C3orf22: variants seen among roughly 807,000 people sequenced by gnomAD.
C3orf22 encodes chromosome 3 open reading frame 22.
C3orf22 carries 7 observed loss-of-function variants against 10.8 expected under a neutral mutation model. The ratio of observed to expected loss-of-function variants is 0.65; its 90% CI spans 0.37 to 1.22. The LOEUF is 1.22. C3orf22 is among the 50% of genes most tolerant of loss of function. C3orf22 has a pLI of 0.02. For missense variants in C3orf22, 173 were observed against 177.0 expected, an observed-to-expected ratio of 0.98 and a Z score of 0.13; for synonymous variants, 79 against 78.9, an observed-to-expected ratio of 1.00 and a Z score of 0.00.
chr3:126,549,414 C>T (rs988374356), downstream of C3orf22: 3 of 396,680 alleles, frequency 7.6e-6, no homozygotes, highest in Non-Finnish European at 1.5e-5. Flanking sequence ...TGAATGGCTG[C>T]CTAAGATTTC....
Position 126,553,346 on chromosome 3 carries a change from C to T in C3orf22, c.45G>A (p.Trp15Ter). 2 of 1,614,164 alleles carry T rather than the reference C, an allele frequency of 1.2e-6. No homozygotes were observed. Among genetic ancestry groups the T allele is most frequent in the Non-Finnish European group, 1.7e-6 (2 of 1,180,024 alleles). The change falls in exon 2 of 4, where the codon TGG becomes TGA. Residue 15 changes from tryptophan (W) to a stop codon, truncating the protein, a stop_gained. Transcript: ENST00000318225. LOFTEE classifies it high-confidence loss of function. ...CAAAATTCTCCTGGGCCTGGATCCT[C>T]CACTTCTTACTCTGGTGAGACTTCT... Reference protein sequence around the residue: ...ACKKSHQSKKWRIQAQENFAK... With the variant: ...ACKKSHQSKK
intron 4 of C3orf22, among the ~76,000 whole-genome samples, chr3:126,538,205 C>A (rs58866773): frequency 0.032 from 4,872 of 152,362 alleles, 249 homozygotes; most frequent in African/African-American, 0.11. Flanking sequence ...CTGAGCTGCT[C>A]GGAGACTGGC....
chr3:126,552,729 G>T (rs543269325), intron 2 of C3orf22, among the ~76,000 whole-genome samples: 54 of 152,342 alleles, frequency 3.5e-4, no homozygotes, highest in African/African-American at 1.2e-3. Flanking sequence ...TGAGCATGGA[G>T]TGGGAAGCTT....
chr3:126,557,707 T>A (rs960425145), intron 1 of C3orf22, among the ~76,000 whole-genome samples: 2 of 152,222 alleles, frequency 1.3e-5, no homozygotes, highest in Non-Finnish European at 2.9e-5. Flanking sequence ...CTCTGGAAGA[T>A]CAGCCATCCA....
chr3:126,541,341 TG>T (rs1053835670), intron 4 of C3orf22, among the ~76,000 whole-genome samples: 2 of 152,170 alleles, frequency 1.3e-5, no homozygotes, highest in African/African-American at 4.8e-5. Flanking sequence ...AGTTTTCAAT[TG>T]GGTGTGGAAT....
chr3:126,551,245 G>A, intron 3 of C3orf22, among the ~76,000 whole-genome samples: 1 of 144,036 alleles, frequency 6.9e-6, no homozygotes, highest in African/African-American at 2.6e-5. Flanking sequence ...AGTCAACACA[G>A]ACCCCCCCCT....
intron 1 of C3orf22, among the ~76,000 whole-genome samples, chr3:126,557,259 A>G (rs1217571229): frequency 2.6e-5 from 4 of 152,218 alleles, no homozygotes. Context: ...TCCTTGGTCC[A>G]AGGCAGAGGC....
chr3:126,530,377 C>A (rs744232), intron 4 of C3orf22, among the ~76,000 whole-genome samples: 1 of 152,224 alleles, frequency 6.6e-6, no homozygotes, highest in African/African-American at 2.4e-5. Flanking sequence ...CAAGGGCTGG[C>A]GTTTCCGGAA....
intron 4 of C3orf22, chr3:126,542,211 G>A: frequency 1.4e-6 from 2 of 1,458,016 alleles, no homozygotes; most frequent in Middle Eastern, 1.8e-4. Flanking sequence ...CGGGCCCGCG[G>A]CCACGACGTG....
chr3:126,546,282 C>T (rs1937066627), downstream of C3orf22, among the ~76,000 whole-genome samples: 1 of 152,218 alleles, frequency 6.6e-6, no homozygotes, highest in African/African-American at 2.4e-5. Context: ...GCGATAAATG[C>T]TCCAGCTTTT....
At chr3:126,542,123 C>T in intron 4 of C3orf22, 1 of 1,571,188 alleles carries the variant, frequency 6.4e-7, no homozygotes, top group Non-Finnish European at 8.6e-7. Context: ...GCTCGCGCGC[C>T]CCTACAGCGC....
rs748508077 is a variant in C3orf22, at chr3:126,541,916, C to A, written c.286+7621G>T. 1.8e-5 allele frequency: 28 copies of A among 1,599,004 alleles called. No individual in the cohort carries two copies. In the East Asian group the frequency reaches 5.9e-4, roughly 34 times the overall value. On this transcript the variant is annotated intron_variant and NMD_transcript_variant, in intron 4 of 5. Transcript: ENST00000505070. The stretch of plus-strand genomic sequence containing the variant: ...CAAGGTGGCCTGCACCAACTGGAAG[C>A]GCGTGCTGCTGGCGCTGAGCGGCCA...
At chr3:126,549,658 C>T, downstream of C3orf22, 1 of 1,518,314 alleles carries the variant, frequency 6.6e-7, no homozygotes. Flanking sequence ...AAAATGAAGG[C>T]TCAGGGAGGC....
intron 4 of C3orf22, chr3:126,536,407 C>A (rs1936792274): frequency 7.1e-7 from 1 of 1,415,776 alleles, no homozygotes; most frequent in Non-Finnish European, 1.0e-6. Context: ...CAGCCAGGAG[C>A]CTGACAGCAA....
intron 4 of C3orf22, among the ~76,000 whole-genome samples, chr3:126,534,477 ACAG>A (rs1048031024): frequency 6.6e-6 from 1 of 151,298 alleles, no homozygotes; most frequent in Non-Finnish European, 1.5e-5. Context: ...AGACAGACAG[ACAG>A]CATCCTTGTC....
chr3:126,535,427 G>C (rs1343574406), intron 4 of C3orf22, among the ~76,000 whole-genome samples: 5 of 150,790 alleles, frequency 3.3e-5, no homozygotes, highest in Admixed American at 1.3e-4. Context: ...CCGGGAGACA[G>C]ACAGACAGCA....
chr3:126,531,096 T>G (rs1936649599), intron 4 of C3orf22, among the ~76,000 whole-genome samples: 1 of 152,280 alleles, frequency 6.6e-6, no homozygotes, highest in Non-Finnish European at 1.5e-5. Context: ...ACAGACCATA[T>G]TCTGCCTGCC....
chr3:126,551,443 A>T (rs1273634146), intron 3 of C3orf22, among the ~76,000 whole-genome samples: 4 of 152,126 alleles, frequency 2.6e-5, no homozygotes, highest in African/African-American at 9.7e-5. Flanking sequence ...TCTGTTTAGG[A>T]GGAAGTAGGT....
intron 1 of C3orf22, among the ~76,000 whole-genome samples, chr3:126,554,414 C>A (rs965366052): frequency 1.3e-5 from 2 of 152,160 alleles, no homozygotes; most frequent in Admixed American, 6.5e-5. Flanking sequence ...CAGGCGCCTG[C>A]CACCACGCCT....
Sources: allele counts gnomAD v4.1 joint callset (sites outside exome capture counted in the v4.1 genomes callset), GRCh38; gene constraint gnomAD v4.1.1; transcripts MANE v1.5; gene names NCBI Gene and HGNC (gene_info 2026-07-23, HGNC 2026-07-21).